The following KRTAP9-4 variants were observed in gnomAD, a reference collection of about 807,000 sequenced individuals.
The protein encoded by KRTAP9-4 is keratin-associated protein 9-4.
In KRTAP9-4, 8 loss-of-function variants were observed where a neutral mutation model predicts 12.7. The ratio of observed to expected loss-of-function variants is 0.63; its 90% confidence interval spans 0.37 to 1.14. The LOEUF (loss-of-function observed/expected upper bound fraction) is 1.14. KRTAP9-4 is among the 50% of genes most tolerant of loss of function. KRTAP9-4 has a pLI of 0.01. For synonymous variants in KRTAP9-4, 81 were observed against 67.3 expected (o/e 1.20, Z -1.00); for missense variants, 188 against 189.1 (o/e 0.99, Z 0.03).
rs1368797088 is a variant in KRTAP9-4 at position 41,250,080 on chromosome 17, C to G, written c.360C>G (p.Ser120Arg). Residue 120 changes from serine to arginine, a missense_variant, in exon 1 of 1, where the codon AGC becomes AGG. By Grantham distance (110) the Ser-to-Arg change is moderately radical. Transcript: ENST00000334109. ...GCCTGCCTGGTTGCCTAAACCAGAG[C>G]TGTGGCTCCAACTGCTGCCAGCCCT... ...TVCLPGCLNQ[S>R]CGSNCCQPCC... 2.5e-6 allele frequency: 4 copies of G among 1,614,080 alleles called. No homozygotes were observed. In the African/African-American group the frequency reaches 5.3e-5, roughly 22 times the overall value.
At position 41,250,219 on chromosome 17, in the gene KRTAP9-4, C is replaced by G. The variant is rs771558840; in HGVS notation, c.*34C>G. ...CAAGAGAACCACCATCCTCACACAA[C>G]AACTTTCTGCTCAACTGACTTATCT... On this transcript the variant is annotated 3_prime_UTR_variant, in exon 1 of 1. Transcript: ENST00000334109. 1.9e-6 allele frequency: 3 copies of G among 1,612,482 alleles called. No individual in the cohort carries two copies. Among genetic ancestry groups the G allele is most frequent in the Non-Finnish European group, 2.5e-6 (3 of 1,178,544 alleles).
chr17:41,250,376 T>C lies in KRTAP9-4; in HGVS notation c.*191T>C, dbSNP rs1301355887. ...AGAATACTTCATCCTGATTCTCTTT[T>C]TCCTTACACTTTGTGGATCATGTGC... On this transcript the variant is annotated 3_prime_UTR_variant, in exon 1 of 1. Transcript: ENST00000334109. 2 of 781,198 alleles carry C rather than the reference T, an allele frequency of 2.6e-6. No homozygotes were observed. The highest frequency in any genetic ancestry group is 3.7e-5 in the South Asian group (2 of 54,022). 48.4% of individuals were successfully genotyped at this position (781,198 alleles called of 1,614,324 possible).
chr17:41,250,043 C>T lies in KRTAP9-4; in HGVS notation c.323C>T (p.Pro108Leu). 1.9e-6 allele frequency: 3 copies of T among 1,614,078 alleles called. No individual in the cohort carries two copies. The highest frequency in any genetic ancestry group is 1.7e-4 in the Middle Eastern group (1 of 6,058). ...PVYCRRTCYY[P>L]TTVCLPGCLN... ...TACTGCAGAAGAACCTGCTACTACCCCACAACTGTCTGCCTGCCTGGTTGC... is the reference window on the plus strand; with the variant it reads ...TACTGCAGAAGAACCTGCTACTACCTCACAACTGTCTGCCTGCCTGGTTGC... The change falls in exon 1 of 1, where the codon CCC (proline) becomes CTC (leucine). Residue 108 changes from proline to leucine, a missense_variant. By Grantham distance (98) the Pro-to-Leu change is moderately conservative (BLOSUM62 -3). Coordinates refer to ENST00000334109, the MANE Select transcript of KRTAP9-4 (RefSeq NM_033191.3).
rs753699439 is a variant in KRTAP9-4, at chr17:41,250,016, T to C, written c.296T>C (p.Val99Ala). 1 of 1,613,922 alleles carries C rather than the reference T, an allele frequency of 6.2e-7. No individual in the cohort carries two copies. Among genetic ancestry groups the C allele is most frequent in the Non-Finnish European group, 8.5e-7 (1 of 1,180,002 alleles). ...GACCAGAGCAGCTCCTGTGCACCTG[T>C]GTACTGCAGAAGAACCTGCTACTAC... ...SCDQSSSCAP[V>A]YCRRTCYYPT... The change falls in exon 1 of 1, where the codon GTG (valine) becomes GCG (alanine). Residue 99 changes from valine to alanine, a missense_variant. Physicochemically the swap from Val to Ala is moderately conservative, Grantham distance 64. Coordinates refer to ENST00000334109, the MANE Select transcript of KRTAP9-4 (RefSeq NM_033191.3).
chr17:41,249,924 C>G lies in KRTAP9-4; in HGVS notation c.204C>G (p.Thr68=). 6.2e-7 allele frequency: 1 copy of G among 1,613,424 alleles called. No homozygotes were observed. The highest frequency in any genetic ancestry group is 1.3e-5 in the African/African-American group (1 of 74,932). ...QNTCCQPTCV[T]SCCQPSCCST... is the part of the protein sequence containing the mutation. ...CCTGCTGCCAGCCCACCTGTGTGAC[C>G]AGCTGCTGCCAGCCTTCCTGCTGCA... Residue 68 remains threonine, a synonymous_variant, in exon 1 of 1, where the codon ACC becomes ACG. Transcript: ENST00000334109.
chr17:41,250,592 G>A lies in KRTAP9-4; in HGVS notation c.*407G>A. On this transcript the variant is annotated 3_prime_UTR_variant, in exon 1 of 1. Transcript: ENST00000334109. ...TCTTCTTTTCATAACTTTGGGTTAT[G>A]TTTCTGCTACCAGCAGAGATTCTTA... 3.6e-6 allele frequency: 1 copy of A among 277,904 alleles called. No homozygotes were observed. Among genetic ancestry groups the A allele is most frequent in the South Asian group, 4.4e-5 (1 of 22,616 alleles). The allele number at this position is 277,904 out of a possible 1,614,324, so 17.2% of individuals were successfully genotyped here. A position where few individuals can be genotyped will look rare whatever the true frequency, so the allele number is the denominator to read the frequency against.
Position 41,250,331 on chromosome 17 carries a change from G to A in KRTAP9-4, c.*146G>A, listed in dbSNP as rs1421954990. ...ATTCTCTACCTGTTTAAAATCTTGG[G>A]AATCTACTTGAGGGAGGGCAGAATA... is the stretch of plus-strand genomic sequence containing the variant. On this transcript the variant is annotated 3_prime_UTR_variant, in exon 1 of 1. Transcript: ENST00000334109. 3 of 915,768 alleles carry A rather than the reference G, an allele frequency of 3.3e-6. No individual in the cohort carries two copies. Among genetic ancestry groups the A allele is most frequent in the African/African-American group, 3.2e-5 (2 of 61,546 alleles). The allele number at this position is 915,768 out of a possible 1,614,324, so 56.7% of individuals were successfully genotyped here.
Position 41,250,301 on chromosome 17 carries a change from T to A in KRTAP9-4, c.*116T>A. On this transcript the variant is annotated 3_prime_UTR_variant, in exon 1 of 1. Transcript: ENST00000334109. ...GCCACCATGCTCTCACCCAAATTTT[T>A]ATGAATTCTCTACCTGTTTAAAATC... 3.4e-6 allele frequency: 4 copies of A among 1,174,926 alleles called. No homozygotes were observed. The highest frequency in any genetic ancestry group is 2.1e-4 in the Middle Eastern group (1 of 4,744). The allele number at this position is 1,174,926 out of a possible 1,614,324, so 72.8% of individuals were successfully genotyped here.
chr17:41,249,857 G>A lies in KRTAP9-4; in HGVS notation c.137G>A (p.Ser46Asn), dbSNP rs773142442. The change falls in exon 1 of 1, where the codon AGC (serine) becomes AAC (asparagine). Residue 46 changes from serine to asparagine, a missense_variant. Physicochemically the swap from Ser to Asn is conservative, Grantham distance 46. Coordinates refer to ENST00000334109, the MANE Select transcript of KRTAP9-4 (RefSeq NM_033191.3). ...TGCCAGCCCTCCTGCTGTGTTTCCAGCTGCTGCCAGCCTTGCTGCCGCCCA... is the reference window on the plus strand; with the variant it reads ...TGCCAGCCCTCCTGCTGTGTTTCCAACTGCTGCCAGCCTTGCTGCCGCCCA... ...PCCQPSCCVS[S>N]CCQPCCRPTC... 3.2e-6 allele frequency: 5 copies of A among 1,541,038 alleles called. No homozygotes were observed. Among genetic ancestry groups the A allele is most frequent in the South Asian group, 1.1e-5 (1 of 88,530 alleles).
chr17:41,249,906 C>T lies in KRTAP9-4; in HGVS notation c.186C>T (p.Cys62=). Residue 62 remains cysteine (C), a synonymous_variant, in exon 1 of 1, where the codon TGC becomes TGT. Transcript: ENST00000334109. ...CAACTTGCTGTCAAAACACCTGCTGCCAGCCCACCTGTGTGACCAGCTGCT... is the reference window on the plus strand; with the variant it reads ...CAACTTGCTGTCAAAACACCTGCTGTCAGCCCACCTGTGTGACCAGCTGCT... ...CRPTCCQNTC[C]QPTCVTSCCQ... is the part of the protein sequence containing the mutation. The T allele has an allele frequency of 1.9e-6, 3 of 1,613,394 alleles. No homozygotes were observed. Among genetic ancestry groups the T allele is most frequent in the Non-Finnish European group, 2.5e-6 (3 of 1,179,538 alleles).
chr17:41,250,579 A>C lies in KRTAP9-4; in HGVS notation c.*394A>C. On this transcript the variant is annotated 3_prime_UTR_variant, in exon 1 of 1. Coordinates refer to ENST00000334109, the MANE Select transcript of KRTAP9-4 (RefSeq NM_033191.3). ...TTGTATCCTTCTTTCTTCTTTTCAT[A>C]ACTTTGGGTTATGTTTCTGCTACCA... 3.5e-6 allele frequency: 1 copy of C among 285,094 alleles called. No individual in the cohort carries two copies. Among genetic ancestry groups the C allele is most frequent in the South Asian group, 4.8e-5 (1 of 20,656 alleles). 17.7% of individuals were successfully genotyped at this position (285,094 alleles called of 1,614,324 possible).
rs1327651177 is a variant in KRTAP9-4 at position 41,249,909 on chromosome 17, G to A, written c.189G>A (p.Gln63=). 1.9e-6 allele frequency: 3 copies of A among 1,613,218 alleles called. No individual in the cohort carries two copies. Among genetic ancestry groups the A allele is most frequent in the Non-Finnish European group, 1.7e-6 (2 of 1,179,528 alleles). ...CTTGCTGTCAAAACACCTGCTGCCA[G>A]CCCACCTGTGTGACCAGCTGCTGCC... The part of the protein sequence containing the change: ...RPTCCQNTCC[Q]PTCVTSCCQP... Residue 63 remains glutamine (Q), a synonymous_variant, in exon 1 of 1, where the codon CAG becomes CAA. Transcript: ENST00000334109.
chr17:41,250,007 G>C lies in KRTAP9-4; in HGVS notation c.287G>C (p.Cys96Ser). ...TCCAGCTGTGACCAGAGCAGCTCCT[G>C]TGCACCTGTGTACTGCAGAAGAACC... ...CGSSCDQSSS[C>S]APVYCRRTCY... Residue 96 changes from cysteine to serine, a missense_variant, in exon 1 of 1, where the codon TGT becomes TCT. Transcript: ENST00000334109. The C allele has an allele frequency of 6.2e-7, 1 of 1,614,010 alleles. No individual in the cohort carries two copies.
rs759813860 is a variant in KRTAP9-4, at chr17:41,249,986, G to T, written c.266G>T (p.Ser89Ile). The T allele has an allele frequency of 1.9e-6, 3 of 1,613,632 alleles. No individual in the cohort carries two copies. Among genetic ancestry groups the T allele is most frequent in the Non-Finnish European group, 2.5e-6 (3 of 1,180,008 alleles). Reference sequence around the variant, plus strand: ...TGCCAGCCCACCTGCTGTGGGTCCAGCTGTGACCAGAGCAGCTCCTGTGCA... The same window carrying T: ...TGCCAGCCCACCTGCTGTGGGTCCATCTGTGACCAGAGCAGCTCCTGTGCA... ...PCCQPTCCGS[S>I]CDQSSSCAPV... is the part of the protein sequence containing the mutation. Residue 89 changes from serine to isoleucine, a missense_variant, in exon 1 of 1, where the codon AGC (serine) becomes ATC (isoleucine). Physicochemically the swap from Ser to Ile is moderately radical, Grantham distance 142. Coordinates refer to ENST00000334109, the MANE Select transcript of KRTAP9-4 (RefSeq NM_033191.3).
chr17:41,250,243 C>A lies in KRTAP9-4; in HGVS notation c.*58C>A. The A allele has an allele frequency of 6.2e-7, 1 of 1,601,374 alleles. No homozygotes were observed. ...ACAACTTTCTGCTCAACTGACTTAT[C>A]TTTTGGGGGACTAATTTAATTTGCT... On this transcript the variant is annotated 3_prime_UTR_variant, in exon 1 of 1. Transcript: ENST00000334109.
In KRTAP9-4 at chr17:41,250,385, C is replaced by G; in HGVS notation, c.*200C>G. 1 of 775,430 alleles carries G rather than the reference C, an allele frequency of 1.3e-6. No homozygotes were observed. Among genetic ancestry groups the G allele is most frequent in the Non-Finnish European group, 2.1e-6 (1 of 480,938 alleles). The allele number at this position is 775,430 out of a possible 1,614,324, so 48.0% of individuals were successfully genotyped here. ...CATCCTGATTCTCTTTTTCCTTACA[C>G]TTTGTGGATCATGTGCCAGCTTCGT... On this transcript the variant is annotated 3_prime_UTR_variant, in exon 1 of 1. Coordinates refer to ENST00000334109, the MANE Select transcript of KRTAP9-4 (RefSeq NM_033191.3).
rs2144119985 is a variant in KRTAP9-4, at chr17:41,250,279, A to G, written c.*94A>G. On this transcript the variant is annotated 3_prime_UTR_variant, in exon 1 of 1. Transcript: ENST00000334109. Reference sequence around the variant, plus strand: ...CTAATTTAATTTGCTGCTGACAGCCACCATGCTCTCACCCAAATTTTTATG... The same window carrying G: ...CTAATTTAATTTGCTGCTGACAGCCGCCATGCTCTCACCCAAATTTTTATG... The G allele has an allele frequency of 1.3e-6, 2 of 1,498,352 alleles. No individual in the cohort carries two copies. Among genetic ancestry groups the G allele is most frequent in the South Asian group, 2.5e-5 (2 of 78,970 alleles). The allele number at this position is 1,498,352 out of a possible 1,614,324, so 92.8% of individuals were successfully genotyped here.
In KRTAP9-4 at chr17:41,249,750, G is replaced by T. The variant is rs12952568; in HGVS notation, c.30G>T (p.Gln10His). 1 of 1,611,368 alleles carries T rather than the reference G, an allele frequency of 6.2e-7. No homozygotes were observed. The highest frequency in any genetic ancestry group is 1.7e-5 in the Admixed American group (1 of 59,972). The change falls in exon 1 of 1, where the codon CAG becomes CAT. Residue 10 changes from glutamine (Q) to histidine (H), a missense_variant. Gln to His is a conservative substitution (Grantham distance 24, BLOSUM62 0). Transcript: ENST00000334109. MTHCCSPCC[Q>H]PTCCRTTCCR... The stretch of plus-strand genomic sequence containing the variant: ...CCCACTGTTGCTCCCCTTGCTGTCA[G>T]CCTACATGCTGCAGGACCACCTGCT...
At position 41,250,028 on chromosome 17, in the gene KRTAP9-4, G is replaced by C; in HGVS notation, c.308G>C (p.Arg103Thr). The C allele has an allele frequency of 6.2e-7, 1 of 1,613,934 alleles. No individual in the cohort carries two copies. Among genetic ancestry groups the C allele is most frequent in the South Asian group, 1.1e-5 (1 of 91,076 alleles). Reference sequence around the variant, plus strand: ...TCCTGTGCACCTGTGTACTGCAGAAGAACCTGCTACTACCCCACAACTGTC... The same window carrying C: ...TCCTGTGCACCTGTGTACTGCAGAACAACCTGCTACTACCCCACAACTGTC... ...SSSCAPVYCR[R>T]TCYYPTTVCL... is the part of the protein sequence containing the mutation. Residue 103 changes from arginine (R) to threonine (T), a missense_variant, in exon 1 of 1, where the codon AGA (arginine) becomes ACA (threonine). Arg to Thr is a moderately conservative substitution (Grantham distance 71). Transcript: ENST00000334109.
Sources: gnomAD v4.1 joint callset for allele counts on GRCh38, gnomAD v4.1.1 for gene constraint, MANE v1.5 for transcripts, NCBI Gene and HGNC (gene_info 2026-07-23, HGNC 2026-07-21) for gene names.